FOXK2: variants seen among roughly 807,000 people sequenced by gnomAD.
FOXK2 encodes forkhead box K2.
Under a neutral mutation model 53.3 loss-of-function variants are expected in FOXK2, and 24 were observed. The ratio of observed to expected loss-of-function variants is 0.45; its 90% CI spans 0.33 to 0.63. FOXK2 has a LOEUF of 0.63. Among genes scored for constraint, FOXK2 ranks in the 30% least tolerant of loss-of-function variants. The pLI is 0.03. For missense variants in FOXK2, 952 were observed against 910.5 expected (o/e 1.05, Z -0.59); for synonymous variants, 505 against 407.1 (o/e 1.24, Z -2.89).
At chr17:82,533,109 G>A (rs2044487715) in intron 1 of FOXK2, among the ~76,000 whole-genome samples, 1 of 152,170 alleles carries the variant, frequency 6.6e-6, no homozygotes, top group Non-Finnish European at 1.5e-5. Context: ...GCTTCTTCTG[G>A]ATACTTCCTG....
intron 1 of FOXK2, among the ~76,000 whole-genome samples, chr17:82,527,445 A>G (rs568156301): frequency 6.6e-6 from 1 of 152,000 alleles, no homozygotes; most frequent in Non-Finnish European, 1.5e-5. Context: ...CCTGGCCAAC[A>G]TGGCGAAACT....
In FOXK2 at chr17:82,586,009, C is replaced by G; in HGVS notation, c.1385C>G (p.Thr462Ser). ...GTGGCCACCCCAGTGACCACCTCGA[C>G]CTCCCAGCCACCCGTCGTGCAGACG... The part of the protein sequence containing the change: ...YTVATPVTTS[T>S]SQPPVVQTVH... The change falls in exon 7 of 9, where the codon ACC becomes AGC. Residue 462 changes from threonine to serine, a missense_variant. Around this residue, in one of 5 missense-constraint regions of FOXK2, gnomAD observed 551 missense variants for 385.1 expected, o/e 1.43. Transcript: ENST00000335255. The G allele has an allele frequency of 6.2e-7, 1 of 1,612,834 alleles. No individual in the cohort carries two copies. Among genetic ancestry groups the G allele is most frequent in the Non-Finnish European group, 8.5e-7 (1 of 1,179,980 alleles).
chr17:82,554,740 T>G (rs967959153), intron 1 of FOXK2, among the ~76,000 whole-genome samples: 7 of 150,220 alleles, frequency 4.7e-5, no homozygotes, highest in Non-Finnish European at 8.9e-5. Flanking sequence ...CCAGTGAGGT[T>G]TTTTTTTTTT....
chr17:82,585,301 C>T (rs1319524386), intron 6 of FOXK2: 1 of 144,140 alleles, frequency 6.9e-6, no homozygotes, highest in South Asian at 2.3e-4. Context: ...TTCTGGCCTA[C>T]AGGGGCAGTT....
At chr17:82,555,885 CAAAAAA>C (rs71168116) in intron 1 of FOXK2, among the ~76,000 whole-genome samples, 18 of 74,216 alleles carry the variant, frequency 2.4e-4, no homozygotes, top group Admixed American at 1.3e-3. Context: ...GACTCTATCA[CAAAAAA>C]AAAAAAAAAA....
intron 8 of FOXK2, chr17:82,588,462 AGGGCTGGCG>A (rs2045219206): frequency 5.5e-5 from 9 of 164,258 alleles, no homozygotes; most frequent in South Asian, 1.2e-4. Flanking sequence ...TGGCGGTTGG[AGGGCTGGCG>A]GTTGGAGGGC....
intron 1 of FOXK2, among the ~76,000 whole-genome samples, chr17:82,530,223 G>A (rs980186866): frequency 6.6e-6 from 1 of 152,030 alleles, no homozygotes; most frequent in Admixed American, 6.6e-5. Context: ...GGGCACGTTG[G>A]GTCACGCCTG....
chr17:82,601,188 G>A lies in FOXK2; in HGVS notation c.1787-115G>A, dbSNP rs1015246781. 7 of 1,144,228 alleles carry A rather than the reference G, an allele frequency of 6.1e-6. No homozygotes were observed. In the African/African-American group the frequency reaches 6.2e-5, roughly 10 times the overall value. The allele number at this position is 1,144,228 out of a possible 1,614,324, so 70.9% of individuals were successfully genotyped here. A position where few individuals can be genotyped will look rare whatever the true frequency, so the allele number is the denominator to read the frequency against. ...GTGGCAGGACCCTTAGAGGGCGAGA[G>A]TTCACATGAGAGCGTGGGGTTCTGA... On this transcript the variant is annotated intron_variant, in intron 8 of 8. Transcript: ENST00000335255.
intron 1 of FOXK2, among the ~76,000 whole-genome samples, chr17:82,521,298 G>A (rs1269684958): frequency 1.3e-5 from 2 of 151,936 alleles, no homozygotes; most frequent in African/African-American, 4.8e-5. Context: ...CCAGCCTCCC[G>A]AGTAGCTGGG....
At chr17:82,563,175 C>T (rs2044815749) in intron 1 of FOXK2, among the ~76,000 whole-genome samples, 179 bp from the exon 2 acceptor site, 1 of 152,090 alleles carries the variant, frequency 6.6e-6, no homozygotes, top group Non-Finnish European at 1.5e-5. Context: ...TTTTTAAAGT[C>T]ATGAAGCACC....
At chr17:82,559,229 C>A in intron 1 of FOXK2, 1 of 395,466 alleles carries the variant, frequency 2.5e-6, no homozygotes. Flanking sequence ...TCCTGAGTGT[C>A]TGTATGTGGA....
intron 8 of FOXK2, among the ~76,000 whole-genome samples, chr17:82,595,042 T>C (rs1165292254): frequency 6.6e-6 from 1 of 152,084 alleles, no homozygotes; most frequent in Non-Finnish European, 1.5e-5. Flanking sequence ...CCTCTCCACA[T>C]AGTAAGTAAA....
At chr17:82,521,338 A>G (rs921237581) in intron 1 of FOXK2, among the ~76,000 whole-genome samples, 4 of 146,614 alleles carry the variant, frequency 2.7e-5, no homozygotes, top group South Asian at 2.2e-4. Flanking sequence ...GCGCCCGGCT[A>G]ATTTTTTGTA....
chr17:82,537,274 T>C (rs999527638), intron 1 of FOXK2, among the ~76,000 whole-genome samples: 1 of 152,196 alleles, frequency 6.6e-6, no homozygotes, highest in African/African-American at 2.4e-5. Flanking sequence ...GATTAAAGTT[T>C]AACATATTAT....
chr17:82,586,993 G>A (rs1441227784), intron 7 of FOXK2, 70 bp from the exon 8 acceptor site: 4 of 1,464,554 alleles, frequency 2.7e-6, no homozygotes, highest in East Asian at 2.3e-5. Context: ...TGGTTATTAT[G>A]TTTTAAACTG....
chr17:82,564,395 TGTTTG>T (rs1378443246), intron 2 of FOXK2, among the ~76,000 whole-genome samples: 1 of 118,456 alleles, frequency 8.4e-6, no homozygotes, highest in African/African-American at 3.1e-5. Context: ...TTTGTTTGTT[TGTTTG>T]TTTTGTTTTT....
At chr17:82,555,558 G>A in intron 1 of FOXK2, among the ~76,000 whole-genome samples, 1 of 151,816 alleles carries the variant, frequency 6.6e-6, no homozygotes, top group Non-Finnish European at 1.5e-5. Context: ...TTATAGTGTG[G>A]GTGTCCATGC....
chr17:82,521,995 G>A (rs549427930), intron 1 of FOXK2, among the ~76,000 whole-genome samples: 1 of 148,806 alleles, frequency 6.7e-6, no homozygotes, highest in South Asian at 2.1e-4. Context: ...TACTGTAGAC[G>A]GTATGAAATC....
At chr17:82,595,663 C>A (rs184736802) in intron 8 of FOXK2, 1 of 752,410 alleles carries the variant, frequency 1.3e-6, no homozygotes, top group Middle Eastern at 3.2e-4. Flanking sequence ...GGTTTTTCTT[C>A]GTTGAAAGCT....
Sources: gnomAD v4.1 joint callset for allele counts (sites outside exome capture counted in the v4.1 genomes callset) on GRCh38, gnomAD v4.1.1 for gene constraint, gnomAD v4.1.1 regional missense constraint, MANE v1.5 for transcripts, NCBI Gene and HGNC (gene_info 2026-07-23, HGNC 2026-07-21) for gene names.